The following SFMBT1 variants were observed in gnomAD, a reference collection of about 807,000 sequenced individuals.
SFMBT1 encodes the protein scm-like with four MBT domains protein 1.
Under a neutral mutation model 108.7 loss-of-function variants are expected in SFMBT1, and 32 were observed. The observed-to-expected ratio is 0.29, with a 90% CI of 0.22 to 0.40. SFMBT1 has a LOEUF of 0.40. Among genes scored for constraint, SFMBT1 ranks in the 10% least tolerant of loss-of-function variants. The pLI, the probability that SFMBT1 is intolerant of heterozygous loss-of-function variation, is 1.00. For synonymous variants in SFMBT1, 348 were observed against 369.5 expected (o/e 0.94, Z 0.67); for missense variants, 816 against 1,059.6 (o/e 0.77, Z 3.19).
At chr3:53,020,622 C>G (rs1699274066) in intron 1 of SFMBT1, among the ~76,000 whole-genome samples, 2 of 152,028 alleles carry the variant, frequency 1.3e-5, no homozygotes, top group Non-Finnish European at 2.9e-5. Context: ...AAAGCCGATA[C>G]ATGTTTGTAG....
chr3:53,003,761 A>C (rs1424791733), intron 1 of SFMBT1, among the ~76,000 whole-genome samples: 3 of 118,602 alleles, frequency 2.5e-5, no homozygotes, highest in African/African-American at 9.8e-5. Context: ...AGAAAGGTCA[A>C]AAAAAAAAAA....
At chr3:52,930,297 G>T (rs1457358936) in intron 8 of SFMBT1, 32 bp downstream of exon 8, 1 of 1,314,676 alleles carries the variant, frequency 7.6e-7, no homozygotes, top group Non-Finnish European at 1.1e-6. Flanking sequence ...CCTTGACAGG[G>T]ATTCTTACCA....
Position 53,032,074 on chromosome 3 carries a change from C to G in SFMBT1, c.-131+13742G>C, listed in dbSNP as rs117192097. On this transcript the variant is annotated intron_variant, in intron 1 of 20. Coordinates refer to ENST00000394752, the MANE Select transcript of SFMBT1 (RefSeq NM_016329.4). Reference sequence around the variant, plus strand: ...ATCAAAAGGAACTAAATGTAACAAACTTGATGTCCAGCCAGCTGGATACAA... The same window carrying G: ...ATCAAAAGGAACTAAATGTAACAAAGTTGATGTCCAGCCAGCTGGATACAA... 9.4e-4 allele frequency among the ~76,000 whole-genome samples: 143 copies of G among 152,314 alleles called. 2 individuals carry two copies. In the East Asian group the frequency reaches 0.022, roughly 24 times the overall value.
At chr3:53,030,282 C>A (rs17052726) in intron 1 of SFMBT1, among the ~76,000 whole-genome samples, 2 of 151,120 alleles carry the variant, frequency 1.3e-5, no homozygotes, top group Admixed American at 1.3e-4. Context: ...AATATGGATG[C>A]GGAAATATAT....
intron 1 of SFMBT1, among the ~76,000 whole-genome samples, chr3:53,024,680 T>A (rs1699427479): frequency 6.6e-6 from 1 of 152,206 alleles, no homozygotes; most frequent in Admixed American, 6.5e-5. Context: ...GTGCTAGCAC[T>A]ACTTAGAGGG....
chr3:52,956,806 G>T (rs771288974), intron 2 of SFMBT1, among the ~76,000 whole-genome samples: 1 of 151,990 alleles, frequency 6.6e-6, no homozygotes, highest in Admixed American at 6.6e-5. Flanking sequence ...AATAAACTAG[G>T]TATTGATGGA....
At chr3:53,008,105 A>G (rs370300756) in intron 1 of SFMBT1, among the ~76,000 whole-genome samples, 7 of 151,274 alleles carry the variant, frequency 4.6e-5, no homozygotes, top group African/African-American at 1.7e-4. Context: ...AGGAGCTGGA[A>G]GGTCTTTATT....
At chr3:52,922,582 C>T (rs1211563581) in intron 10 of SFMBT1, among the ~76,000 whole-genome samples, 3 of 152,124 alleles carry the variant, frequency 2.0e-5, no homozygotes, top group African/African-American at 4.8e-5. Flanking sequence ...TCTAAGCTGG[C>T]AGTAAAGAAA....
At position 52,959,850 on chromosome 3, in the gene SFMBT1, TTTG is replaced by T. The variant is rs369557544; in HGVS notation, c.29-5442_29-5440del. On this transcript the variant is annotated intron_variant, in intron 2 of 20. Coordinates refer to ENST00000394752, the MANE Select transcript of SFMBT1 (RefSeq NM_016329.4). ...ACTCCCTAAGAGCAGGGATGGTTGT[TTTG>T]TTGTTGTTGTTGTTGTTGTTGTTCA... Among the ~76,000 whole-genome samples, 113 of 151,808 alleles carry T rather than the reference TTTG, an allele frequency of 7.4e-4. No individual in the cohort carries two copies. In the East Asian group the frequency reaches 0.016, roughly 22 times the overall value.
chr3:52,975,256 T>C (rs1036803042), intron 1 of SFMBT1, among the ~76,000 whole-genome samples: 1 of 152,212 alleles, frequency 6.6e-6, no homozygotes. Flanking sequence ...AGCATAAGCA[T>C]ACAATGCACC....
intron 16 of SFMBT1, among the ~76,000 whole-genome samples, chr3:52,911,812 G>A (rs1702220604): frequency 6.6e-6 from 1 of 152,064 alleles, no homozygotes; most frequent in South Asian, 2.1e-4. Flanking sequence ...AGATTCTCCT[G>A]CCTCAGCCTC....
rs376125106 is a variant in SFMBT1 at position 52,948,571 on chromosome 3, C to G, written c.124-4978G>C. Among the ~76,000 whole-genome samples the G allele has an allele frequency of 8.6e-5, 13 of 151,678 alleles. 1 individual carries two copies. The highest frequency in any genetic ancestry group is 6.8e-3 in the Middle Eastern group (2 of 294). ...CTCTCATTACATGAACAAGGTGTAT[C>G]CCTTCATGTATAATGGTCTTTATTT... On this transcript the variant is annotated intron_variant, in intron 3 of 20. Coordinates refer to ENST00000394752, the MANE Select transcript of SFMBT1 (RefSeq NM_016329.4).
At chr3:52,909,019 T>C (rs1241660447) in intron 17 of SFMBT1, among the ~76,000 whole-genome samples, 3 of 152,224 alleles carry the variant, frequency 2.0e-5, no homozygotes, top group Non-Finnish European at 4.4e-5. Flanking sequence ...AGAATATACA[T>C]TCCAGAAATG....
chr3:53,007,525 G>A (rs1202900442), intron 1 of SFMBT1, among the ~76,000 whole-genome samples: 1 of 152,172 alleles, frequency 6.6e-6, no homozygotes, highest in African/African-American at 2.4e-5. Context: ...CAGAAAACAA[G>A]AAAATGCTCC....
intron 1 of SFMBT1, among the ~76,000 whole-genome samples, chr3:53,039,715 A>C (rs1158802504): frequency 6.6e-6 from 1 of 151,894 alleles, no homozygotes; most frequent in Non-Finnish European, 1.5e-5. Flanking sequence ...GCTCACTGCA[A>C]CCCCCACCTC....
chr3:53,034,138 T>C (rs1457323474), intron 1 of SFMBT1, among the ~76,000 whole-genome samples: 44 of 152,092 alleles, frequency 2.9e-4, no homozygotes, highest in Admixed American at 2.8e-3. Context: ...GTACTTCTTT[T>C]TAAATACAAA....
chr3:52,967,013 T>C (rs1265522983), intron 2 of SFMBT1, among the ~76,000 whole-genome samples: 1 of 151,156 alleles, frequency 6.6e-6, no homozygotes, highest in Non-Finnish European at 1.5e-5. Context: ...CAAGAGGATA[T>C]ACTCAAAAAC....
chr3:53,035,907 A>C (rs1472045078), intron 1 of SFMBT1, among the ~76,000 whole-genome samples: 1 of 152,176 alleles, frequency 6.6e-6, no homozygotes, highest in African/African-American at 2.4e-5. Flanking sequence ...ACGTAAGTAA[A>C]TTTTGAAAGG....
At chr3:52,986,141 T>A (rs1192741986) in intron 1 of SFMBT1, among the ~76,000 whole-genome samples, 6 of 55,944 alleles carry the variant, frequency 1.1e-4, no homozygotes, top group African/African-American at 2.9e-4. Flanking sequence ...AGACTCCGTC[T>A]CAGGAAAAAA....
Sources: allele counts gnomAD v4.1 joint callset (sites outside exome capture counted in the v4.1 genomes callset), GRCh38; gene constraint gnomAD v4.1.1; transcripts MANE v1.5; gene names NCBI Gene and HGNC (gene_info 2026-07-23, HGNC 2026-07-21).